The following NRXN3 variants were observed in gnomAD, a reference collection of about 807,000 sequenced individuals.
NRXN3 encodes the protein neurexin 3.
In NRXN3, 32 loss-of-function variants were observed where a neutral mutation model predicts 137.6. The ratio of observed to expected loss-of-function variants is 0.23; its 90% CI spans 0.18 to 0.31. NRXN3 has a LOEUF of 0.31. Ranked by LOEUF, NRXN3 falls within the 10% of genes least tolerant of loss-of-function variation. The pLI, the probability that NRXN3 is intolerant of heterozygous loss-of-function variation, is 1.00. For missense variants in NRXN3, 1,574 were observed against 2,062.5 expected, an observed-to-expected ratio of 0.76 and a Z score of 4.59; for synonymous variants, 798 against 784.5, an observed-to-expected ratio of 1.02 and a Z score of -0.29.
intron 4 of NRXN3, among the ~76,000 whole-genome samples, chr14:78,450,902 C>T (rs901774568): frequency 4.6e-5 from 7 of 151,916 alleles, no homozygotes; most frequent in South Asian, 4.2e-4. Context: ...CTTTAGATGA[C>T]GGTGTTTGGG....
intron 15 of NRXN3, among the ~76,000 whole-genome samples, chr14:78,990,482 C>T (rs2099516631): frequency 6.6e-6 from 1 of 150,450 alleles, no homozygotes. Flanking sequence ...AGCGATTCTC[C>T]TGCCTCAGCC....
chr14:78,958,871 G>C (rs1033180767), intron 11 of NRXN3, among the ~76,000 whole-genome samples: 1 of 152,160 alleles, frequency 6.6e-6, no homozygotes, highest in African/African-American at 2.4e-5. Context: ...AGTGGCCTAA[G>C]CCATCTCCAT....
At chr14:79,627,791 G>T (rs114335380) in intron 16 of NRXN3, among the ~76,000 whole-genome samples, 1,978 of 152,176 alleles carry the variant, frequency 0.013, 53 homozygotes, top group African/African-American at 0.046. Flanking sequence ...CCATGTTTAA[G>T]GCTTCTGGCG....
rs373874029 is a variant in NRXN3, at chr14:78,226,094, C to G, written c.-703-16297C>G. ...TCTCCGCTCACTGCAACATCTGCCT[C>G]CTGGGTTCAAGCGATTCTCCTGCCT... is the stretch of plus-strand genomic sequence containing the variant. On this transcript the variant is annotated intron_variant, in intron 1 of 20. Transcript: ENST00000335750. Among the ~76,000 whole-genome samples, 3 of 151,950 alleles carry G rather than the reference C, an allele frequency of 2.0e-5. No homozygotes were observed. The South Asian group carries it at 6.2e-4, about 32-fold the overall frequency.
intron 10 of NRXN3, among the ~76,000 whole-genome samples, chr14:78,880,064 C>G (rs1308257987): frequency 7.0e-6 from 1 of 143,178 alleles, no homozygotes; most frequent in African/African-American, 3.0e-5. Context: ...ACGGTGAAAC[C>G]CCGTCTCTAC....
chr14:78,415,919 T>A (rs770949415), intron 4 of NRXN3, among the ~76,000 whole-genome samples: 2 of 151,982 alleles, frequency 1.3e-5, no homozygotes, highest in African/African-American at 2.4e-5. Context: ...TTCCAACCTG[T>A]AGAAACATGA....
chr14:78,380,408 T>C (rs943327531), intron 4 of NRXN3, among the ~76,000 whole-genome samples: 17 of 152,062 alleles, frequency 1.1e-4, no homozygotes, highest in Non-Finnish European at 2.1e-4. Context: ...GTAATTATTT[T>C]AAGAATCTTG....
intron 10 of NRXN3, among the ~76,000 whole-genome samples, chr14:78,951,476 A>AAG (rs907883435): frequency 6.6e-6 from 1 of 152,156 alleles, no homozygotes; most frequent in Non-Finnish European, 1.5e-5. Flanking sequence ...AGTCACCTCA[A>AAG]AGAGGCCTTC....
intron 15 of NRXN3, among the ~76,000 whole-genome samples, chr14:79,100,044 G>A (rs759333211): frequency 3.9e-5 from 6 of 152,200 alleles, no homozygotes; most frequent in Non-Finnish European, 5.9e-5. Flanking sequence ...GCTCATGCTA[G>A]GAGAAGGGGA....
intron 20 of NRXN3, among the ~76,000 whole-genome samples, chr14:79,850,606 G>A (rs747120658): frequency 5.3e-5 from 8 of 152,200 alleles, no homozygotes; most frequent in South Asian, 2.1e-4. Flanking sequence ...TGGTAGTATC[G>A]AAATATACTG....
chr14:78,800,705 G>C (rs936027920), intron 8 of NRXN3, among the ~76,000 whole-genome samples: 1 of 152,132 alleles, frequency 6.6e-6, no homozygotes, highest in African/African-American at 2.4e-5. Flanking sequence ...ACAGAGTAGG[G>C]ATATGATAAC....
chr14:79,075,161 A>C (rs900599532), intron 15 of NRXN3, among the ~76,000 whole-genome samples: 19 of 152,112 alleles, frequency 1.2e-4, no homozygotes, highest in African/African-American at 4.6e-4. Context: ...TATGCATTTG[A>C]TTTTTGCTTC....
intron 4 of NRXN3, among the ~76,000 whole-genome samples, chr14:78,409,926 G>A (rs2092721678): frequency 1.3e-5 from 2 of 152,140 alleles, no homozygotes. Flanking sequence ...GGAATACCTT[G>A]ATACAAGATC....
At chr14:78,861,766 C>T (rs1354388779) in intron 10 of NRXN3, among the ~76,000 whole-genome samples, 1 of 152,096 alleles carries the variant, frequency 6.6e-6, no homozygotes, top group Non-Finnish European at 1.5e-5. Flanking sequence ...TAAACATGCA[C>T]TCACATCCTG....
At chr14:79,328,067 G>T (rs901277387) in intron 15 of NRXN3, among the ~76,000 whole-genome samples, 9 of 152,076 alleles carry the variant, frequency 5.9e-5, no homozygotes, top group Admixed American at 2.0e-4. Context: ...ACTCTACCAT[G>T]GTGCACATTT....
chr14:79,826,480 T>C (rs1177717272), intron 20 of NRXN3, among the ~76,000 whole-genome samples: 1 of 152,230 alleles, frequency 6.6e-6, no homozygotes, highest in East Asian at 1.9e-4. Context: ...AGAGTATGCA[T>C]ACAAAACATA....
At chr14:78,574,257 T>TG (rs2152327390) in intron 4 of NRXN3, among the ~76,000 whole-genome samples, 1 of 152,302 alleles carries the variant, frequency 6.6e-6, no homozygotes, top group Non-Finnish European at 1.5e-5. Context: ...AAGGGAAATG[T>TG]GGGGTCTGAG....
intron 16 of NRXN3, among the ~76,000 whole-genome samples, chr14:79,491,654 AGTGT>A (rs113305088): frequency 6.6e-6 from 1 of 151,142 alleles, no homozygotes; most frequent in African/African-American, 2.4e-5. Flanking sequence ...AAAATAAAAA[AGTGT>A]GTGTGTGTGT....
chr14:79,615,689 G>T (rs1034208581), intron 16 of NRXN3, among the ~76,000 whole-genome samples: 2 of 152,056 alleles, frequency 1.3e-5, no homozygotes, highest in African/African-American at 4.8e-5. Context: ...GTGAAGGGGG[G>T]AAAAGCCCCG....
Sources: gnomAD v4.1 joint callset for allele counts (sites outside exome capture counted in the v4.1 genomes callset) on GRCh38, gnomAD v4.1.1 for gene constraint, MANE v1.5 for transcripts, NCBI Gene and HGNC (gene_info 2026-07-23, HGNC 2026-07-21) for gene names.